The following FER variants were observed in gnomAD, a reference collection of about 807,000 sequenced individuals.
FER encodes the protein FER tyrosine kinase, also known as tyrosine-protein kinase Fer.
In FER, 63 loss-of-function variants were observed where a neutral mutation model predicts 111.0. The observed-to-expected ratio is 0.57, with a 90% CI of 0.46 to 0.70. The LOEUF (loss-of-function observed/expected upper bound fraction) is 0.70. FER is among the 30% of genes least tolerant of loss of function. The pLI is 0.00. For missense variants in FER, 914 were observed against 954.0 expected, an observed-to-expected ratio of 0.96 and a Z score of 0.55; for synonymous variants, 327 against 313.9, an observed-to-expected ratio of 1.04 and a Z score of -0.44.
chr5:108,872,232 C>T lies in FER; in HGVS notation c.923+20C>T. ...AGTAATGTAAGTATTCACAAAATAT[C>T]AACAGTTTAAATACTAGTATTATTA... On this transcript the variant is annotated intron_variant, in intron 8 of 19. Transcript: ENST00000281092. 1.3e-6 allele frequency: 2 copies of T among 1,583,304 alleles called. No individual in the cohort carries two copies. The highest frequency in any genetic ancestry group is 8.6e-7 in the Non-Finnish European group (1 of 1,163,662).
chr5:108,960,740 A>T (rs569292661), intron 13 of FER, among the ~76,000 whole-genome samples: 1 of 152,134 alleles, frequency 6.6e-6, no homozygotes. Context: ...AAATTGTTCA[A>T]ATTTCCACCT....
intron 15 of FER, among the ~76,000 whole-genome samples, chr5:109,046,846 T>C (rs1772055321): frequency 1.3e-5 from 2 of 152,270 alleles, no homozygotes; most frequent in African/African-American, 4.8e-5. Flanking sequence ...ATGCAAATAT[T>C]GCACCATTTT....
intron 16 of FER, among the ~76,000 whole-genome samples, chr5:109,089,599 T>A (rs1443582310): frequency 6.6e-6 from 1 of 152,126 alleles, no homozygotes; most frequent in African/African-American, 2.4e-5. Flanking sequence ...TAAAATACTT[T>A]ATGAGAACTC....
chr5:108,808,876 T>C (rs1757465103), intron 3 of FER, among the ~76,000 whole-genome samples: 1 of 152,208 alleles, frequency 6.6e-6, no homozygotes, highest in African/African-American at 2.4e-5. Flanking sequence ...AAATTCTTGA[T>C]TGGAATTTCT....
intron 10 of FER, among the ~76,000 whole-genome samples, chr5:108,928,706 C>CAT (rs902180914): frequency 1.3e-5 from 2 of 151,692 alleles, no homozygotes; most frequent in African/African-American, 4.8e-5. Context: ...CATATACATG[C>CAT]ATATATATAT....
chr5:108,818,787 A>G (rs1466300145), intron 3 of FER, among the ~76,000 whole-genome samples: 2 of 152,148 alleles, frequency 1.3e-5, no homozygotes, highest in Admixed American at 6.5e-5. Context: ...TTTCATATCC[A>G]TAGCTTCTCA....
At chr5:108,962,886 C>G (rs565599434) in intron 13 of FER, among the ~76,000 whole-genome samples, 2 of 152,222 alleles carry the variant, frequency 1.3e-5, no homozygotes, top group East Asian at 3.9e-4. Context: ...ACATTCTTAA[C>G]CACTATATAT....
In FER at chr5:108,835,962, T is replaced by C. The variant is rs1760616715; in HGVS notation, c.481+155T>C. 1.2e-5 allele frequency: 5 copies of C among 412,594 alleles called. No homozygotes were observed. In the South Asian group the frequency reaches 1.9e-4, roughly 16 times the overall value. The allele number at this position is 412,594 out of a possible 1,614,324, so 25.6% of individuals were successfully genotyped here. ...ATTGGCTAATTGTCAAACAGTGTAG[T>C]AAGTCTTACTAATTTTCCATTGCTT... On this transcript the variant is annotated intron_variant, in intron 5 of 19. Coordinates refer to ENST00000281092, the MANE Select transcript of FER (RefSeq NM_005246.4).
chr5:108,994,289 A>C (rs1022691514), intron 13 of FER, among the ~76,000 whole-genome samples: 2 of 152,148 alleles, frequency 1.3e-5, no homozygotes, highest in African/African-American at 4.8e-5. Context: ...TTTTTGTATA[A>C]GGTATAAGGA....
intron 13 of FER, among the ~76,000 whole-genome samples, chr5:108,998,576 TC>T (rs1459566639): frequency 6.6e-6 from 1 of 152,180 alleles, no homozygotes; most frequent in Non-Finnish European, 1.5e-5. Flanking sequence ...CTGGAGCTGT[TC>T]CTATTTGGCC....
At chr5:108,864,217 C>T (rs183435419) in intron 5 of FER, among the ~76,000 whole-genome samples, 46 of 152,222 alleles carry the variant, frequency 3.0e-4, no homozygotes, top group Admixed American at 1.2e-3. Flanking sequence ...AGTGGTGATT[C>T]TAGTATTTGT....
At chr5:109,138,066 A>G (rs1753104425) in intron 17 of FER, among the ~76,000 whole-genome samples, 1 of 152,182 alleles carries the variant, frequency 6.6e-6, no homozygotes, top group Non-Finnish European at 1.5e-5. Flanking sequence ...GGAACTAAAG[A>G]GACTCATGCT....
chr5:108,904,510 T>C (rs971569157), intron 10 of FER, among the ~76,000 whole-genome samples: 1 of 152,156 alleles, frequency 6.6e-6, no homozygotes, highest in African/African-American at 2.4e-5. Flanking sequence ...AGATAGGGTC[T>C]GAGAAGTAAT....
At chr5:109,031,154 G>A (rs1358089830) in intron 13 of FER, among the ~76,000 whole-genome samples, 1 of 152,044 alleles carries the variant, frequency 6.6e-6, no homozygotes, top group Non-Finnish European at 1.5e-5. Flanking sequence ...TATAATCCAG[G>A]GGAGGAATAG....
rs1770532961 is a variant in FER, at chr5:109,037,286, A to G, written c.1657-136A>G. The G allele has an allele frequency of 7.7e-6, 5 of 649,698 alleles. No homozygotes were observed. In the Admixed American group the frequency reaches 8.3e-5, roughly 11 times the overall value. The allele number at this position is 649,698 out of a possible 1,614,324, so 40.2% of individuals were successfully genotyped here. A position where few individuals can be genotyped will look rare whatever the true frequency, so the allele number is the denominator to read the frequency against. ...ATTTGTTTTACAGCATCTTGGGGTT[A>G]TAACTTCTCAGTGTGCTGTTGATTG... On this transcript the variant is annotated intron_variant, in intron 13 of 19. Transcript: ENST00000281092.
chr5:108,787,178 G>C (rs1258902791), intron 2 of FER, among the ~76,000 whole-genome samples: 3 of 152,212 alleles, frequency 2.0e-5, no homozygotes. Context: ...TCTGGCGCCT[G>C]CTCCAGGGTG....
chr5:108,962,785 ATAT>A (rs1759308130), intron 13 of FER, among the ~76,000 whole-genome samples: 1 of 152,346 alleles, frequency 6.6e-6, no homozygotes, highest in Non-Finnish European at 1.5e-5. Context: ...TTGCTATAAA[ATAT>A]TATGAATGAA....
chr5:109,182,112 T>G (rs1301213434), intron 18 of FER, among the ~76,000 whole-genome samples: 2 of 152,248 alleles, frequency 1.3e-5, no homozygotes, highest in African/African-American at 4.8e-5. Context: ...AATAATCCAT[T>G]GTATGGATAT....
At chr5:108,784,056 G>A (rs1754390258) in intron 2 of FER, 1 of 153,356 alleles carries the variant, frequency 6.5e-6, no homozygotes, top group Non-Finnish European at 1.5e-5. Flanking sequence ...GCCTGTCTTT[G>A]TTTCTCTTGA....
Sources: gnomAD v4.1 joint callset for allele counts (sites outside exome capture counted in the v4.1 genomes callset) on GRCh38, gnomAD v4.1.1 for gene constraint, MANE v1.5 for transcripts, NCBI Gene and HGNC (gene_info 2026-07-23, HGNC 2026-07-21) for gene names.